DLGAP2: variants seen among roughly 807,000 people sequenced by gnomAD.
The protein encoded by DLGAP2 is DLG associated protein 2.
Under a neutral mutation model 100.3 loss-of-function variants are expected in DLGAP2, and 26 were observed. The observed-to-expected ratio is 0.26, with a 90% CI of 0.19 to 0.36. The LOEUF is 0.36. DLGAP2 is among the 10% of genes least tolerant of loss of function. The pLI, the probability that DLGAP2 is intolerant of heterozygous loss-of-function variation, is 1.00. For synonymous variants in DLGAP2, 886 were observed against 630.1 expected (o/e 1.41, Z -6.08); for missense variants, 1,858 against 1,453.2 (o/e 1.28, Z -4.53).
chr8:1,082,908 G>A (rs999920154), intron 2 of DLGAP2, among the ~76,000 whole-genome samples: 4 of 152,038 alleles, frequency 2.6e-5, no homozygotes, highest in Non-Finnish European at 5.9e-5. Context: ...AACTTTTGGG[G>A]GAATAGTTTA....
rs1250706311 is a variant in DLGAP2 at position 1,359,889 on chromosome 8, A to C, written c.106+101006A>C. 5.9e-5 allele frequency among the ~76,000 whole-genome samples: 9 copies of C among 152,228 alleles called. No individual in the cohort carries two copies. In the South Asian group the frequency reaches 1.9e-3, roughly 32 times the overall value. ...GTTTTTCTGTCCATAAATTTGTTAAAGAAAATCTCTTGGAATTTTGCTAAG... is the reference window on the plus strand; with the variant it reads ...GTTTTTCTGTCCATAAATTTGTTAACGAAAATCTCTTGGAATTTTGCTAAG... On this transcript the variant is annotated intron_variant, in intron 3 of 14. Transcript: ENST00000637795.
At chr8:1,076,478 G>A (rs1304888533) in intron 2 of DLGAP2, among the ~76,000 whole-genome samples, 2 of 152,220 alleles carry the variant, frequency 1.3e-5, no homozygotes, top group Non-Finnish European at 2.9e-5. Context: ...GGAACAGGAG[G>A]CAGATCTGCC....
At chr8:1,206,102 C>G (rs192686634) in intron 2 of DLGAP2, among the ~76,000 whole-genome samples, 60 of 152,304 alleles carry the variant, frequency 3.9e-4, no homozygotes, top group Middle Eastern at 3.4e-3. Flanking sequence ...GTTAACCCCT[C>G]TGCACCCAAG....
At chr8:1,523,273 GC>G (rs1285784416) in intron 4 of DLGAP2, among the ~76,000 whole-genome samples, 3 of 152,352 alleles carry the variant, frequency 2.0e-5, no homozygotes, top group Non-Finnish European at 4.4e-5. Flanking sequence ...TCTGGCTTCT[GC>G]TGGGGCGCAG....
chr8:1,254,321 G>C (rs35112756), intron 2 of DLGAP2, among the ~76,000 whole-genome samples: 52,018 of 152,010 alleles, frequency 0.34, 9,181 homozygotes, highest in Middle Eastern at 0.45. Context: ...GTCCATCAAG[G>C]CCTCGTGGTC....
chr8:837,932 G>A (rs1261748187), intron 1 of DLGAP2, among the ~76,000 whole-genome samples: 7 of 144,306 alleles, frequency 4.9e-5, no homozygotes, highest in Admixed American at 1.4e-4. Flanking sequence ...AGGGGGTTTC[G>A]CCATGTTGGC....
intron 2 of DLGAP2, among the ~76,000 whole-genome samples, chr8:1,028,100 G>T (rs1269672998): frequency 7.3e-6 from 1 of 137,154 alleles, no homozygotes; most frequent in African/African-American, 2.8e-5. Context: ...CAGGTGGGGT[G>T]CCAGGGGCCC....
chr8:796,030 G>C (rs1796029353), intron 1 of DLGAP2, among the ~76,000 whole-genome samples: 1 of 149,978 alleles, frequency 6.7e-6, no homozygotes, highest in South Asian at 2.1e-4. Context: ...CAGGCATCCA[G>C]TGAGAGCAGG....
intron 1 of DLGAP2, among the ~76,000 whole-genome samples, chr8:778,848 T>C (rs1038841817): frequency 1.3e-5 from 2 of 152,260 alleles, no homozygotes; most frequent in Non-Finnish European, 1.5e-5. Flanking sequence ...GCAGGCCTCC[T>C]TGAGCTGTGG....
At chr8:919,524 C>T (rs1798665139) in intron 2 of DLGAP2, among the ~76,000 whole-genome samples, 2 of 152,208 alleles carry the variant, frequency 1.3e-5, no homozygotes, top group African/African-American at 2.4e-5. Context: ...TCATTTGCTG[C>T]CACCATCCAC....
At chr8:1,426,052 C>G (rs905250144) in intron 3 of DLGAP2, among the ~76,000 whole-genome samples, 2 of 152,306 alleles carry the variant, frequency 1.3e-5, no homozygotes, top group Non-Finnish European at 2.9e-5. Context: ...AGACCAAACT[C>G]TGAACCAAGG....
chr8:1,471,615 C>A (rs1355398124), intron 3 of DLGAP2, among the ~76,000 whole-genome samples: 5 of 151,740 alleles, frequency 3.3e-5, no homozygotes, highest in African/African-American at 1.2e-4. Context: ...CTGCCCACAG[C>A]CCACTCATCC....
intron 8 of DLGAP2, among the ~76,000 whole-genome samples, chr8:1,654,626 A>C (rs1466892480): frequency 1.4e-5 from 2 of 146,484 alleles, no homozygotes; most frequent in Non-Finnish European, 3.0e-5. Flanking sequence ...ACGCCATTGC[A>C]CTCCAGCCTG....
intron 5 of DLGAP2, among the ~76,000 whole-genome samples, chr8:1,565,255 C>T (rs960551790): frequency 7.2e-5 from 11 of 151,842 alleles, no homozygotes; most frequent in African/African-American, 2.4e-4. Flanking sequence ...TATTTGCTTG[C>T]AATTAAGATA....
At chr8:1,010,882 G>T (rs1416464734) in intron 2 of DLGAP2, among the ~76,000 whole-genome samples, 2 of 151,824 alleles carry the variant, frequency 1.3e-5, no homozygotes, top group African/African-American at 4.8e-5. Flanking sequence ...TGCACAGTGA[G>T]CCCCAGGCGA....
At chr8:1,073,621 G>A (rs1431155305) in intron 2 of DLGAP2, among the ~76,000 whole-genome samples, 1 of 152,192 alleles carries the variant, frequency 6.6e-6, no homozygotes, top group African/African-American at 2.4e-5. Flanking sequence ...GTGGAACGTG[G>A]CACAGACATG....
chr8:1,222,642 G>A (rs117250416), intron 2 of DLGAP2, among the ~76,000 whole-genome samples: 6 of 151,890 alleles, frequency 4.0e-5, no homozygotes, highest in South Asian at 2.1e-4. Context: ...TGTACACGGT[G>A]GGGGGAGGCT....
At chr8:1,510,832 G>A (rs556727257) in intron 4 of DLGAP2, among the ~76,000 whole-genome samples, 77 of 152,312 alleles carry the variant, frequency 5.1e-4, no homozygotes, top group African/African-American at 1.8e-3. Context: ...CAAATAAAAG[G>A]CAAACCTTGC....
In DLGAP2 at chr8:1,626,822, C is replaced by A; in HGVS notation, c.1525C>A (p.Arg509Ser). ...PAANYNSPKF[R>S]SRNQSYMRAV... is the part of the protein sequence containing the mutation. Reference sequence around the variant, plus strand: ...TGCGAACTACAACTCCCCGAAATTCCGCTCCCGGAACCAGAGCTACATGAG... The same window carrying A: ...TGCGAACTACAACTCCCCGAAATTCAGCTCCCGGAACCAGAGCTACATGAG... Residue 509 changes from arginine to serine, a missense_variant, in exon 7 of 15, where the codon CGC becomes AGC. Physicochemically the swap from Arg to Ser is moderately radical, Grantham distance 110. Transcript: ENST00000637795. The A allele has an allele frequency of 6.2e-7, 1 of 1,605,958 alleles. No homozygotes were observed. Among genetic ancestry groups the A allele is most frequent in the East Asian group, 2.2e-5 (1 of 44,466 alleles).
Sources: gnomAD v4.1 joint callset for allele counts (sites outside exome capture counted in the v4.1 genomes callset) on GRCh38, gnomAD v4.1.1 for gene constraint, MANE v1.5 for transcripts, NCBI Gene and HGNC (gene_info 2026-07-23, HGNC 2026-07-21) for gene names.